PID1: variants seen among roughly 807,000 people sequenced by gnomAD.
The protein encoded by PID1 is PTB-containing, cubilin and LRP1-interacting protein.
A neutral mutation model predicts 19.1 loss-of-function variants in PID1; 10 were observed. That is an observed-to-expected ratio of 0.52 (90% CI 0.32 to 0.89). The LOEUF is 0.89. Ranked by LOEUF, PID1 falls within the 40% of genes least tolerant of loss-of-function variation. The pLI, the probability that PID1 is intolerant of heterozygous loss-of-function variation, is 0.03. For missense variants in PID1, 248 were observed against 285.3 expected, an observed-to-expected ratio of 0.87 and a Z score of 0.94; for synonymous variants, 130 against 116.0, an observed-to-expected ratio of 1.12 and a Z score of -0.78.
At chr2:229,071,178 C>T (rs1049956387) in intron 2 of PID1, among the ~76,000 whole-genome samples, 7 of 152,202 alleles carry the variant, frequency 4.6e-5, no homozygotes, top group African/African-American at 1.7e-4. Context: ...CCAGAGACAT[C>T]GCTGAGTTGA....
At chr2:229,130,484 T>C (rs910172700) in intron 2 of PID1, among the ~76,000 whole-genome samples, 6 of 152,148 alleles carry the variant, frequency 3.9e-5, no homozygotes. Flanking sequence ...ACATGAGAGA[T>C]AGGAAAAGAT....
chr2:229,082,451 A>C (rs953277689), intron 2 of PID1, among the ~76,000 whole-genome samples: 7 of 152,346 alleles, frequency 4.6e-5, no homozygotes, highest in Middle Eastern at 3.4e-3. Flanking sequence ...TAAGGTTACT[A>C]ATCAGTTGAC....
chr2:229,080,396 C>T (rs1574612486), intron 2 of PID1, among the ~76,000 whole-genome samples: 1 of 152,244 alleles, frequency 6.6e-6, no homozygotes, highest in Admixed American at 6.5e-5. Flanking sequence ...GCACATCCTG[C>T]ATTCTCTCCC....
At chr2:229,093,750 G>C (rs719770) in intron 2 of PID1, among the ~76,000 whole-genome samples, 93,651 of 150,266 alleles carry the variant, frequency 0.62, 31,684 homozygotes, top group Non-Finnish European at 0.77. Flanking sequence ...AATCTAGCAT[G>C]GCTTTATGAT....
At chr2:229,026,180 A>G in intron 2 of PID1, 72 bp from the exon 3 acceptor site, 1 of 998,506 alleles carries the variant, frequency 1.0e-6, no homozygotes, top group Non-Finnish European at 1.6e-6. Context: ...CTGAATGAGT[A>G]GCTGTTCCAC....
intron 2 of PID1, among the ~76,000 whole-genome samples, chr2:229,042,642 T>G (rs1291587396): frequency 6.6e-6 from 1 of 152,198 alleles, no homozygotes; most frequent in African/African-American, 2.4e-5. Context: ...AGGTTAAAAA[T>G]AGTACCTTTG....
intron 1 of PID1, among the ~76,000 whole-genome samples, chr2:229,175,356 C>T (rs1690799209): frequency 6.6e-6 from 1 of 152,158 alleles, no homozygotes; most frequent in African/African-American, 2.4e-5. Context: ...CGAGCAAACA[C>T]TGAGTAAACA....
chr2:229,232,690 A>T (rs1256653623), intron 1 of PID1, among the ~76,000 whole-genome samples: 2 of 149,818 alleles, frequency 1.3e-5, no homozygotes, highest in Non-Finnish European at 3.0e-5. Context: ...GTATGTATAC[A>T]TACATATATA....
At chr2:229,163,022 T>C (rs372773717) in intron 1 of PID1, among the ~76,000 whole-genome samples, 2 of 152,212 alleles carry the variant, frequency 1.3e-5, no homozygotes, top group East Asian at 1.9e-4. Context: ...AGTAATGATA[T>C]GAAAGAAGAA....
chr2:229,045,016 C>T (rs1693846142), intron 2 of PID1, among the ~76,000 whole-genome samples: 1 of 151,842 alleles, frequency 6.6e-6, no homozygotes, highest in South Asian at 2.1e-4. Context: ...TGCAATGGTA[C>T]AATCTCCGTT....
At chr2:229,134,816 T>C (rs17676147) in intron 2 of PID1, among the ~76,000 whole-genome samples, 10,705 of 152,258 alleles carry the variant, frequency 0.07, 532 homozygotes, top group South Asian at 0.22. Context: ...AGATATGCCA[T>C]ACTTATTTTA....
intron 2 of PID1, among the ~76,000 whole-genome samples, chr2:229,123,502 A>T (rs1212675249): frequency 2.6e-5 from 4 of 152,212 alleles, no homozygotes; most frequent in Non-Finnish European, 4.4e-5. Context: ...ATGTTTTTGC[A>T]CAGGCATATG....
At chr2:229,147,606 TC>T (rs1690162388) in intron 2 of PID1, among the ~76,000 whole-genome samples, 1 of 152,094 alleles carries the variant, frequency 6.6e-6, no homozygotes, top group Admixed American at 6.6e-5. Flanking sequence ...ATTTTCCATA[TC>T]AATATAATTT....
chr2:229,250,793 C>T (rs1434547306), intron 1 of PID1, among the ~76,000 whole-genome samples: 1 of 152,140 alleles, frequency 6.6e-6, no homozygotes, highest in African/African-American at 2.4e-5. Context: ...TGATGAAGAC[C>T]CTCATCTTTG....
rs71793691 is a variant in PID1, at chr2:229,149,032, AATAT to A, written c.177+6782_177+6785del. ...CAATGGAAACCACAGGCTTGAATCTAATATATATATATATATATTATATTAGATT... is the reference window on the plus strand; with the variant it reads ...CAATGGAAACCACAGGCTTGAATCTAATATATATATATATTATATTAGATT... On this transcript the variant is annotated intron_variant, in intron 2 of 2. Transcript: ENST00000392055. 7.4e-3 allele frequency among the ~76,000 whole-genome samples: 1,093 copies of A among 147,184 alleles called. 14 individuals carry two copies. The highest frequency in any genetic ancestry group is 0.026 in the African/African-American group (1,054 of 40,482).
At chr2:229,059,402 T>C (rs1694166625) in intron 2 of PID1, among the ~76,000 whole-genome samples, 1 of 152,268 alleles carries the variant, frequency 6.6e-6, no homozygotes, top group Non-Finnish European at 1.5e-5. Context: ...GCTGAATACC[T>C]ATTATGTGCT....
intron 1 of PID1, among the ~76,000 whole-genome samples, chr2:229,166,824 G>A (rs547521524): frequency 2.0e-5 from 3 of 152,170 alleles, no homozygotes; most frequent in East Asian, 1.9e-4. Context: ...AGGACTTGTC[G>A]GATGAACGCT....
chr2:229,202,684 C>A (rs1184252120), intron 1 of PID1, among the ~76,000 whole-genome samples: 1 of 152,050 alleles, frequency 6.6e-6, no homozygotes, highest in South Asian at 2.1e-4. Flanking sequence ...CTATTATTAT[C>A]ACTTTTAAGT....
At chr2:229,262,976 C>A in intron 1 of PID1, 1 of 1,279,048 alleles carries the variant, frequency 7.8e-7, no homozygotes, top group Non-Finnish European at 1.0e-6. Context: ...TCTGCACAAA[C>A]CTTATTTCCA....
Sources: allele counts gnomAD v4.1 joint callset (sites outside exome capture counted in the v4.1 genomes callset), GRCh38; gene constraint gnomAD v4.1.1; transcripts MANE v1.5; gene names NCBI Gene and HGNC (gene_info 2026-07-23, HGNC 2026-07-21).